HEATR4: variants seen among roughly 807,000 people sequenced by gnomAD.
HEATR4 encodes the protein HEAT repeat-containing protein 4.
A neutral mutation model predicts 108.8 loss-of-function variants in HEATR4; 95 were observed. That is an observed-to-expected ratio of 0.87 (90% confidence interval 0.74 to 1.04). The LOEUF is 1.04. Among genes scored for constraint, HEATR4 ranks in the 50% least tolerant of loss-of-function variants. The pLI is 0.00. For synonymous variants in HEATR4, 443 were observed against 459.4 expected (o/e 0.96, Z 0.46); for missense variants, 1,152 against 1,253.8 (o/e 0.92, Z 1.23).
the HEATR4 span, among the ~76,000 whole-genome samples, chr14:73,610,329 C>T: frequency 4.7e-4 from 66 of 141,368 alleles, no homozygotes; most frequent in Middle Eastern, 3.5e-3. Flanking sequence ...CTTGCTCTGT[C>T]GCTCAGGCTG....
the HEATR4 span, among the ~76,000 whole-genome samples, chr14:73,630,557 G>A: frequency 1.3e-5 from 2 of 152,322 alleles, no homozygotes; most frequent in South Asian, 2.1e-4. Flanking sequence ...AGGCCTGTCT[G>A]TCTAGATTCT....
At chr14:73,584,522 T>G in the HEATR4 span, among the ~76,000 whole-genome samples, 1 of 149,244 alleles carries the variant, frequency 6.7e-6, no homozygotes, top group East Asian at 2.0e-4. Context: ...CTAGGTGCCC[T>G]GTGATCATGA....
rs534346275 is a variant in HEATR4 at position 73,520,680 on chromosome 14, C to T, written c.1069+172G>A. ...GAGCAGTTCCCTCCCTATTAGTTAT[C>T]ACTCCCCGACCCAACTCCTGTGCTA... is the stretch of plus-strand genomic sequence containing the variant. On this transcript the variant is annotated intron_variant, in intron 4 of 17. Transcript: ENST00000553558. The T allele has an allele frequency of 8.5e-4, 507 of 597,344 alleles. 8 individuals carry two copies. In the South Asian group the frequency reaches 0.011, roughly 13 times the overall value. The allele number at this position is 597,344 out of a possible 1,614,324, so 37.0% of individuals were successfully genotyped here.
At chr14:73,495,033 A>T (rs1886019849) in intron 16 of HEATR4, among the ~76,000 whole-genome samples, 195 bp downstream of exon 16, 1 of 146,130 alleles carries the variant, frequency 6.8e-6, no homozygotes. Context: ...GAGAAAATAA[A>T]TGAATAAAAA....
the HEATR4 span, among the ~76,000 whole-genome samples, chr14:73,614,347 C>G: frequency 6.6e-6 from 1 of 152,182 alleles, no homozygotes; most frequent in Non-Finnish European, 1.5e-5. Flanking sequence ...TGGCTGCCCA[C>G]TGTACTGTGA....
At chr14:73,501,967 G>A (rs915348791) in intron 11 of HEATR4, among the ~76,000 whole-genome samples, 4 of 150,934 alleles carry the variant, frequency 2.7e-5, no homozygotes, top group East Asian at 2.0e-4. Flanking sequence ...GGATGGTCTC[G>A]ATCTCCTGAC....
At chr14:73,586,613 C>T in the HEATR4 span, among the ~76,000 whole-genome samples, 6 of 149,322 alleles carry the variant, frequency 4.0e-5, no homozygotes, top group African/African-American at 7.4e-5. Flanking sequence ...GGCTGAGACA[C>T]GAGAATTGCT....
At chr14:73,619,420 A>G in the HEATR4 span, 5 of 1,614,210 alleles carry the variant, frequency 3.1e-6, no homozygotes, top group South Asian at 5.5e-5. Flanking sequence ...AGGAAAAGTA[A>G]AAATCACTAA....
At chr14:73,557,849 C>G (rs1365440476) in intron 1 of HEATR4, among the ~76,000 whole-genome samples, 1 of 89,094 alleles carries the variant, frequency 1.1e-5, no homozygotes, top group Non-Finnish European at 2.6e-5. Context: ...ACCACCATGC[C>G]TGGCTAATGT....
At chr14:73,568,377 G>T in the HEATR4 span, among the ~76,000 whole-genome samples, 7 of 151,826 alleles carry the variant, frequency 4.6e-5, no homozygotes, top group Non-Finnish European at 1.0e-4. Context: ...CACACCTCTG[G>T]TGAAACCAAT....
chr14:73,563,472 G>C (rs545252535), upstream of HEATR4, among the ~76,000 whole-genome samples: 2 of 152,036 alleles, frequency 1.3e-5, no homozygotes, highest in African/African-American at 4.8e-5. Context: ...GTGCGTGCCT[G>C]TAGTCCCAGC....
rs149840935 is a variant in HEATR4 at position 73,507,393 on chromosome 14, G to T, written c.1881+741C>A. 1.4e-4 allele frequency among the ~76,000 whole-genome samples: 21 copies of T among 152,212 alleles called. No homozygotes were observed. In the East Asian group the frequency reaches 4.1e-3, roughly 29 times the overall value. ...TTATTCTACGTTTACTTATGCTTGA[G>T]ATTGTCAACCCAACCGGCTGCATTT... On this transcript the variant is annotated intron_variant, in intron 9 of 17. Transcript: ENST00000553558.
intron 9 of HEATR4, among the ~76,000 whole-genome samples, chr14:73,507,031 G>A (rs1474805504): frequency 6.6e-6 from 1 of 151,904 alleles, no homozygotes; most frequent in Non-Finnish European, 1.5e-5. Context: ...TTGAATTCCT[G>A]ACCTCAGGTG....
intron 17 of HEATR4, among the ~76,000 whole-genome samples, chr14:73,483,229 A>T (rs772211423): frequency 1.3e-5 from 2 of 152,218 alleles, no homozygotes; most frequent in Non-Finnish European, 2.9e-5. Context: ...TGGAACATGA[A>T]GTATACTAAT....
chr14:73,594,030 T>A, the HEATR4 span: 1 of 757,786 alleles, frequency 1.3e-6, no homozygotes, highest in Non-Finnish European at 2.0e-6. Context: ...GAGACTTCCT[T>A]GGCTTAAGGT....
chr14:73,524,844 C>T (rs914146761), intron 2 of HEATR4, among the ~76,000 whole-genome samples: 26 of 152,018 alleles, frequency 1.7e-4, no homozygotes, highest in Non-Finnish European at 4.4e-5. Context: ...CTAGTGTCAA[C>T]TCCTGCCCGG....
chr14:73,501,129 A>AT (rs1886425686), intron 11 of HEATR4, among the ~76,000 whole-genome samples: 1 of 151,672 alleles, frequency 6.6e-6, no homozygotes, highest in African/African-American at 2.4e-5. Flanking sequence ...TTATTTTATT[A>AT]TTTTTTTGAG....
chr14:73,586,597 T>C, the HEATR4 span, among the ~76,000 whole-genome samples: 9 of 151,568 alleles, frequency 5.9e-5, no homozygotes, highest in Non-Finnish European at 4.4e-5. Flanking sequence ...TTCCAGCTAC[T>C]TGGGAGGCTG....
chr14:73,555,502 T>C (rs1482331602), intron 1 of HEATR4, among the ~76,000 whole-genome samples: 1 of 115,220 alleles, frequency 8.7e-6, no homozygotes, highest in African/African-American at 2.8e-5. Context: ...TATAAGATTC[T>C]TGTTAAGAGG....
Sources: gnomAD v4.1 joint callset for allele counts (sites outside exome capture counted in the v4.1 genomes callset) on GRCh38, gnomAD v4.1.1 for gene constraint, MANE v1.5 for transcripts, NCBI Gene and HGNC (gene_info 2026-07-23, HGNC 2026-07-21) for gene names.